Variants in PTPRS observed in about 807,000 individuals in gnomAD.
PTPRS encodes the protein receptor-type tyrosine-protein phosphatase S.
A neutral mutation model predicts 215.3 loss-of-function variants in PTPRS; 63 were observed. That is an observed-to-expected ratio of 0.29 (90% CI 0.24 to 0.36). The LOEUF (loss-of-function observed/expected upper bound fraction) is 0.36, where lower values mean the gene tolerates loss of function less well. Ranked by LOEUF, PTPRS falls within the 10% of genes least tolerant of loss-of-function variation. The pLI, the probability that PTPRS is intolerant of heterozygous loss-of-function variation, is 1.00. For synonymous variants in PTPRS, 1,404 were observed against 1,191.4 expected (o/e 1.18, Z -3.68); for missense variants, 2,258 against 2,825.8 (o/e 0.80, Z 4.56).
intron 1 of PTPRS, among the ~76,000 whole-genome samples, chr19:5,288,023 A>G (rs1044535582): frequency 3.3e-5 from 5 of 151,208 alleles, no homozygotes; most frequent in Non-Finnish European, 7.4e-5. Flanking sequence ...CAGGCAAATA[A>G]AACTTGCACA....
intron 20 of PTPRS, 133 bp downstream of exon 20, chr19:5,220,867 A>G (rs955699605): frequency 3.7e-6 from 4 of 1,081,932 alleles, no homozygotes; most frequent in Non-Finnish European, 5.3e-6. Flanking sequence ...GGATGACCCC[A>G]TGAACTAGGG....
At chr19:5,278,270 G>C (rs1392554946) in intron 2 of PTPRS, 3 of 361,444 alleles carry the variant, frequency 8.3e-6, no homozygotes, top group Admixed American at 4.4e-5. Context: ...CCAGGCTGGA[G>C]TGCAATGGCA....
At position 5,287,815 on chromosome 19, in the gene PTPRS, C is replaced by T. The variant is rs1459891438; in HGVS notation, c.-94-1581G>A. Reference sequence around the variant, plus strand: ...ATACAGTCAGACCAGCCACAGAGAACGATGCCTGCTAAATCACGCCACAGA... The same window carrying T: ...ATACAGTCAGACCAGCCACAGAGAATGATGCCTGCTAAATCACGCCACAGA... On this transcript the variant is annotated intron_variant, in intron 1 of 37. Transcript: ENST00000262963. This position sits in a 1 kb window ranked among gnomAD's most constrained non-coding sequence, Gnocchi z 4.8. Among the ~76,000 whole-genome samples the T allele has an allele frequency of 2.0e-5, 3 of 152,108 alleles. No individual in the cohort carries two copies. The highest frequency in any genetic ancestry group is 1.9e-4 in the East Asian group (1 of 5,194).
At chr19:5,333,093 G>A (rs2050379294) in intron 1 of PTPRS, among the ~76,000 whole-genome samples, 1 of 152,036 alleles carries the variant, frequency 6.6e-6, no homozygotes, top group Admixed American at 6.6e-5. Context: ...AGATTGCAGT[G>A]AGCTGAGATC....
intron 1 of PTPRS, among the ~76,000 whole-genome samples, chr19:5,312,028 C>T (rs1361878041): frequency 6.7e-6 from 1 of 149,940 alleles, no homozygotes; most frequent in Admixed American, 6.7e-5. Flanking sequence ...GGAGACACAG[C>T]GAGACTCCGT....
chr19:5,220,114 C>T lies in PTPRS; in HGVS notation c.3590G>A (p.Arg1197Gln), dbSNP rs1471312670. 16 of 1,613,106 alleles carry T rather than the reference C, an allele frequency of 9.9e-6. No individual in the cohort carries two copies. Among genetic ancestry groups the T allele is most frequent in the South Asian group, 2.2e-5 (2 of 91,070 alleles). The change falls in exon 22 of 38, where the codon CGG (arginine) becomes CAG (glutamine). Residue 1197 changes from arginine to glutamine, a missense_variant. By Grantham distance (43) the Arg-to-Gln change is conservative. Coordinates refer to ENST00000262963, the MANE Select transcript of PTPRS (RefSeq NM_002850.4). ...GGGCACCTCCAGCTGACGCGAGTGCCGCAGGCTGCGCCTCTGTAGCCGTGA... is the reference window on the plus strand; with the variant it reads ...GGGCACCTCCAGCTGACGCGAGTGCTGCAGGCTGCGCCTCTGTAGCCGTGA... ...DISRLQRRSLRHSRQLEVPRP... is the reference protein window; with the variant it reads ...DISRLQRRSLQHSRQLEVPRP...
rs1050431882 is a variant in PTPRS at position 5,244,958 on chromosome 19, G to A, written c.989-476C>T. On this transcript the variant is annotated intron_variant, in intron 10 of 37. Transcript: ENST00000262963. The surrounding 1 kb of genome is among the most constrained non-coding windows in gnomAD (Gnocchi z 7.2). ...GCTGGGATTACAGGTGTGAGCCACC[G>A]CACCCGGCCTTTTTTTTCTTTTTTC... Among the ~76,000 whole-genome samples the A allele has an allele frequency of 2.0e-5, 3 of 150,438 alleles. No homozygotes were observed. The highest frequency in any genetic ancestry group is 3.5e-3 in the Middle Eastern group (1 of 284).
At chr19:5,328,820 G>A (rs1156777939) in intron 1 of PTPRS, among the ~76,000 whole-genome samples, 1 of 152,148 alleles carries the variant, frequency 6.6e-6, no homozygotes, top group East Asian at 1.9e-4. Flanking sequence ...CTACTCAGGA[G>A]GTTGAGGTCA....
chr19:5,228,356 A>AAAAAAAAAAAG (rs2042701510), intron 16 of PTPRS, among the ~76,000 whole-genome samples: 5 of 149,492 alleles, frequency 3.3e-5, no homozygotes, highest in Admixed American at 3.3e-4. Context: ...AGAAAAAAAA[A>AAAAAAAAAAAG]AAAAAAAGAG....
At chr19:5,250,655 G>A (rs2044929634) in intron 9 of PTPRS, among the ~76,000 whole-genome samples, 1 of 146,642 alleles carries the variant, frequency 6.8e-6, no homozygotes, top group Admixed American at 6.8e-5. Context: ...GGGAGGGTGG[G>A]CGGTGGGGTG....
At position 5,287,803 on chromosome 19, in the gene PTPRS, A is replaced by C. The variant is rs1053709984; in HGVS notation, c.-94-1569T>G. On this transcript the variant is annotated intron_variant, in intron 1 of 37. Transcript: ENST00000262963. The surrounding 1 kb of genome is among the most constrained non-coding windows in gnomAD (Gnocchi z 4.8). ...TAGGCCACAGGCATACAGTCAGACC[A>C]GCCACAGAGAACGATGCCTGCTAAA... is the stretch of plus-strand genomic sequence containing the variant. Among the ~76,000 whole-genome samples the C allele has an allele frequency of 4.6e-5, 7 of 152,276 alleles. No individual in the cohort carries two copies. The highest frequency in any genetic ancestry group is 4.6e-4 in the Admixed American group (7 of 15,300).
At chr19:5,214,044 A>G (rs1434914947) in intron 30 of PTPRS, among the ~76,000 whole-genome samples, 1 of 152,128 alleles carries the variant, frequency 6.6e-6, no homozygotes, top group African/African-American at 2.4e-5. Context: ...CATAGGCTCA[A>G]GCTGGGTGAG....
Position 5,291,547 on chromosome 19 carries a change from G to A in PTPRS, c.-94-5313C>T, listed in dbSNP as rs145977160. On this transcript the variant is annotated intron_variant, in intron 1 of 37. Coordinates refer to ENST00000262963, the MANE Select transcript of PTPRS (RefSeq NM_002850.4). ...ACGGGGGCTCCCAGCTCCTGTGCTCGCTGCTCTGGGCCCTTCTTGATGTGA... is the reference window on the plus strand; with the variant it reads ...ACGGGGGCTCCCAGCTCCTGTGCTCACTGCTCTGGGCCCTTCTTGATGTGA... 4.8e-3 allele frequency among the ~76,000 whole-genome samples: 729 copies of A among 152,110 alleles called. 3 individuals are homozygous for A. The highest frequency in any genetic ancestry group is 6.3e-3 in the Non-Finnish European group (430 of 67,990).
chr19:5,261,691 C>A (rs1316700936), intron 6 of PTPRS, among the ~76,000 whole-genome samples: 3 of 152,140 alleles, frequency 2.0e-5, no homozygotes, highest in Non-Finnish European at 4.4e-5. Context: ...TGCAGACGGG[C>A]CAACTGAGGC....
intron 17 of PTPRS, among the ~76,000 whole-genome samples, 175 bp downstream of exon 17, chr19:5,225,552 G>A (rs956894541): frequency 2.6e-5 from 4 of 151,430 alleles, no homozygotes; most frequent in African/African-American, 9.7e-5. Context: ...GGCGGGGGGG[G>A]CCAAGCTGGG....
intron 1 of PTPRS, among the ~76,000 whole-genome samples, chr19:5,296,713 AGGAGGGGAGGGGAG>A (rs1568590692): frequency 1.1e-5 from 1 of 93,500 alleles, no homozygotes; most frequent in African/African-American, 4.5e-5. Context: ...GGAGACAAAG[AGGAGGGGAGGGGAG>A]GGAGGGGAGG....
At position 5,229,089 on chromosome 19, in the gene PTPRS, C is replaced by T. The variant is rs1391737725; in HGVS notation, c.2376+227G>A. ...CTCAGGTCCTGTTGCTCAAGCCACCCTCGGGTCTGCCCCCTGGGGCGCACA... is the reference window on the plus strand; with the variant it reads ...CTCAGGTCCTGTTGCTCAAGCCACCTTCGGGTCTGCCCCCTGGGGCGCACA... On this transcript the variant is annotated intron_variant, in intron 16 of 37. Coordinates refer to ENST00000262963, the MANE Select transcript of PTPRS (RefSeq NM_002850.4). Among the ~76,000 whole-genome samples the T allele has an allele frequency of 2.0e-5, 3 of 152,228 alleles. No homozygotes were observed. In the East Asian group the frequency reaches 5.8e-4, roughly 29 times the overall value.
chr19:5,226,906 A>T (rs984112966), intron 16 of PTPRS, among the ~76,000 whole-genome samples: 1 of 152,062 alleles, frequency 6.6e-6, no homozygotes, highest in Non-Finnish European at 1.5e-5. Flanking sequence ...TTGCATCTGT[A>T]GAGTAGGAAT....
chr19:5,267,654 CAAAA>C (rs5826877), intron 4 of PTPRS, among the ~76,000 whole-genome samples: 3 of 122,688 alleles, frequency 2.4e-5, no homozygotes, highest in Admixed American at 8.5e-5. Flanking sequence ...AAGACTGTCT[CAAAA>C]AAAAAAAAAA....
Sources: allele counts gnomAD v4.1 joint callset (sites outside exome capture counted in the v4.1 genomes callset), GRCh38; gene constraint gnomAD v4.1.1; non-coding constraint Gnocchi (gnomAD v3.1); transcripts MANE v1.5; gene names NCBI Gene and HGNC (gene_info 2026-07-23, HGNC 2026-07-21).